LAMA2: variants seen among roughly 807,000 people sequenced by gnomAD.
The protein encoded by LAMA2 is laminin subunit alpha-2.
Under a neutral mutation model 364.8 loss-of-function variants are expected in LAMA2, and 269 were observed. The observed-to-expected ratio is 0.74, with a 90% confidence interval of 0.67 to 0.82. LAMA2 has a LOEUF of 0.82. Among genes scored for constraint, LAMA2 ranks in the 40% least tolerant of loss-of-function variants. The pLI is 0.00. For missense variants in LAMA2, 3,807 were observed against 3,873.2 expected (o/e 0.98, Z 0.45); for synonymous variants, 1,379 against 1,370.6 (o/e 1.01, Z -0.14).
At chr6:129,282,042 A>G (rs1207093701) in intron 18 of LAMA2, among the ~76,000 whole-genome samples, 1 of 152,184 alleles carries the variant, frequency 6.6e-6, no homozygotes. Flanking sequence ...TCTTGTAATC[A>G]AAACCATTCT....
chr6:128,982,394 T>C (rs1368164744), intron 1 of LAMA2, among the ~76,000 whole-genome samples: 1 of 152,188 alleles, frequency 6.6e-6, no homozygotes, highest in Non-Finnish European at 1.5e-5. Context: ...AATGGTTTCC[T>C]ACCTTTCTTA....
At chr6:129,113,615 C>A (rs1776293322) in intron 4 of LAMA2, among the ~76,000 whole-genome samples, 1 of 151,962 alleles carries the variant, frequency 6.6e-6, no homozygotes, top group Non-Finnish European at 1.5e-5. Context: ...ACAAAGCAAA[C>A]AAGTAAAAAC....
intron 35 of LAMA2, 141 bp from the exon 36 acceptor site, chr6:129,391,350 T>C (rs1398115376): frequency 1.3e-6 from 1 of 748,518 alleles, no homozygotes; most frequent in East Asian, 2.4e-5. Flanking sequence ...TTGTCTTAAC[T>C]GCCTCTGTGG....
intron 4 of LAMA2, among the ~76,000 whole-genome samples, chr6:129,130,576 G>A (rs1777410663): frequency 6.6e-6 from 1 of 152,196 alleles, no homozygotes; most frequent in African/African-American, 2.4e-5. Flanking sequence ...GGAAGATGTA[G>A]AGGAAACCTA....
chr6:129,288,501 T>C (rs938039100), intron 19 of LAMA2, among the ~76,000 whole-genome samples: 3 of 152,228 alleles, frequency 2.0e-5, no homozygotes, highest in Admixed American at 1.3e-4. Context: ...ATGTTAACTT[T>C]ACAGTGTCGT....
chr6:129,422,152 C>G (rs1781104561), intron 40 of LAMA2, among the ~76,000 whole-genome samples: 1 of 152,078 alleles, frequency 6.6e-6, no homozygotes, highest in South Asian at 2.1e-4. Flanking sequence ...AAAGTCCCTG[C>G]CTGCCTCCCT....
At chr6:129,510,217 A>G (rs369704482) in intron 62 of LAMA2, among the ~76,000 whole-genome samples, 10 of 152,304 alleles carry the variant, frequency 6.6e-5, no homozygotes, top group African/African-American at 2.4e-4. Context: ...GGAAAAGCCT[A>G]AAGACCCCAC....
intron 9 of LAMA2, among the ~76,000 whole-genome samples, chr6:129,167,648 A>G (rs1583173058): frequency 6.6e-6 from 1 of 152,156 alleles, no homozygotes; most frequent in East Asian, 1.9e-4. Context: ...TCATAGCAGC[A>G]TGATTTACAG....
At chr6:129,140,782 A>G in intron 4 of LAMA2, among the ~76,000 whole-genome samples, 1 of 152,110 alleles carries the variant, frequency 6.6e-6, no homozygotes, top group South Asian at 2.1e-4. Context: ...GCTGCACACA[A>G]CATCGCCAAA....
chr6:129,024,871 C>G (rs190233278), intron 1 of LAMA2, among the ~76,000 whole-genome samples: 1 of 152,016 alleles, frequency 6.6e-6, no homozygotes, highest in Non-Finnish European at 1.5e-5. Context: ...ACCCTTTGAG[C>G]TTAGGAGTCT....
At chr6:129,034,824 A>G (rs1351165291) in intron 1 of LAMA2, among the ~76,000 whole-genome samples, 2 of 152,130 alleles carry the variant, frequency 1.3e-5, no homozygotes, top group Admixed American at 1.3e-4. Flanking sequence ...TTATGGCTGC[A>G]CAGTATTCCA....
intron 1 of LAMA2, among the ~76,000 whole-genome samples, chr6:128,980,493 A>G (rs950360399): frequency 1.6e-4 from 25 of 152,186 alleles, no homozygotes; most frequent in African/African-American, 6.0e-4. Context: ...CTGTGTGAAA[A>G]ATAAATCACT....
intron 28 of LAMA2, among the ~76,000 whole-genome samples, chr6:129,327,657 T>C (rs1429625082): frequency 6.6e-6 from 1 of 152,220 alleles, no homozygotes; most frequent in Non-Finnish European, 1.5e-5. Context: ...GAAGTCTTGA[T>C]TTTGCATATG....
At chr6:129,508,233 TTTTTAA>T (rs199832634) in intron 62 of LAMA2, among the ~76,000 whole-genome samples, 1 of 89,440 alleles carries the variant, frequency 1.1e-5, no homozygotes, top group Non-Finnish European at 2.9e-5. Flanking sequence ...AATCCTTTAA[TTTTTAA>T]TTTTTGTGGG....
intron 18 of LAMA2, among the ~76,000 whole-genome samples, chr6:129,285,720 G>A (rs1321068233): frequency 9.9e-5 from 15 of 152,160 alleles, no homozygotes. Flanking sequence ...AGAAGAATCA[G>A]GTTAAAATTC....
chr6:129,428,869 C>T (rs576452467), intron 41 of LAMA2, among the ~76,000 whole-genome samples: 306 of 152,244 alleles, frequency 2.0e-3, no homozygotes, highest in Non-Finnish European at 3.6e-3. Flanking sequence ...CTATATGAGC[C>T]ATTACAATTA....
rs781097647 is a variant in LAMA2 at position 129,503,153 on chromosome 6, G to T, written c.8420G>T (p.Arg2807Leu). ...AESGLLFYMA[R>L]INHADFATVQ... Reference sequence around the variant, plus strand: ...TCCGGCTTGCTTTTTTACATGGCTCGCATCAATCATGCTGATTTTGCAACA... The same window carrying T: ...TCCGGCTTGCTTTTTTACATGGCTCTCATCAATCATGCTGATTTTGCAACA... Residue 2807 changes from arginine (R) to leucine (L), a missense_variant, in exon 60 of 65, where the codon CGC (arginine) becomes CTC (leucine). Transcript: ENST00000421865. 1.2e-6 allele frequency: 2 copies of T among 1,613,936 alleles called. No homozygotes were observed. The highest frequency in any genetic ancestry group is 1.7e-6 in the Non-Finnish European group (2 of 1,179,978).
chr6:129,344,761 A>C (rs1776451050), intron 30 of LAMA2, among the ~76,000 whole-genome samples: 1 of 152,204 alleles, frequency 6.6e-6, no homozygotes, highest in East Asian at 1.9e-4. Context: ...ATTGACACCA[A>C]GGGAGAGAAG....
chr6:128,940,159 C>G (rs376549449), intron 1 of LAMA2, among the ~76,000 whole-genome samples: 145 of 152,052 alleles, frequency 9.5e-4, no homozygotes, highest in African/African-American at 3.3e-3. Context: ...TTAAAAAGCC[C>G]TCATCACTGA....
Sources: allele counts gnomAD v4.1 joint callset (sites outside exome capture counted in the v4.1 genomes callset), GRCh38; gene constraint gnomAD v4.1.1; transcripts MANE v1.5; gene names NCBI Gene and HGNC (gene_info 2026-07-23, HGNC 2026-07-21).